Variants in RBFOX1 observed in about 807,000 individuals in gnomAD.
RBFOX1 encodes the protein RNA binding fox-1 homolog 1, also known as RNA binding protein fox-1 homolog 1.
A neutral mutation model predicts 57.7 loss-of-function variants in RBFOX1; 8 were observed. The ratio of observed to expected loss-of-function variants is 0.14; its 90% CI spans 0.08 to 0.25. RBFOX1 has a LOEUF of 0.25. Among genes scored for constraint, RBFOX1 ranks in the 10% least tolerant of loss-of-function variants. The pLI, the probability that RBFOX1 is intolerant of heterozygous loss-of-function variation, is 1.00. For synonymous variants in RBFOX1, 326 were observed against 222.4 expected, an observed-to-expected ratio of 1.47 and a Z score of -4.15; for missense variants, 611 against 548.5, an observed-to-expected ratio of 1.11 and a Z score of -1.14.
intron 3 of RBFOX1, among the ~76,000 whole-genome samples, chr16:6,892,762 G>C (rs1243953567): frequency 1.5e-5 from 2 of 131,888 alleles, no homozygotes; most frequent in African/African-American, 6.2e-5. Flanking sequence ...TATTCTCAAA[G>C]CCTCCCTGTC....
At chr16:7,026,793 A>C (rs1317986146) in intron 3 of RBFOX1, among the ~76,000 whole-genome samples, 1 of 152,170 alleles carries the variant, frequency 6.6e-6, no homozygotes, top group Non-Finnish European at 1.5e-5. Context: ...CCACCTTTAA[A>C]TGAGATTTAG....
intron 3 of RBFOX1, among the ~76,000 whole-genome samples, chr16:6,744,229 G>A (rs1265290772): frequency 6.6e-6 from 1 of 152,082 alleles, no homozygotes; most frequent in Non-Finnish European, 1.5e-5. Context: ...AAACAAAACT[G>A]TTGGAACTGG....
Position 6,676,127 on chromosome 16 carries a change from G to GAC in RBFOX1, c.-16+21488_-16+21489dup, listed in dbSNP as rs750878616. ...GTAGGTAGAAGGATGCTGCCTAGGG[G>GAC]ACACACACACACGCGCACACACACA... On this transcript the variant is annotated intron_variant, in intron 3 of 15. Transcript: ENST00000550418. Among the ~76,000 whole-genome samples the GAC allele has an allele frequency of 5.9e-3, 744 of 125,590 alleles. 6 individuals carry two copies. Among genetic ancestry groups the GAC allele is most frequent in the African/African-American group, 7.3e-3 (228 of 31,302 alleles). The allele number at this position is 125,590 out of a possible 152,430, so 82.4% of individuals were successfully genotyped here. A position where few individuals can be genotyped will look rare whatever the true frequency, so the allele number is the denominator to read the frequency against.
intron 2 of RBFOX1, among the ~76,000 whole-genome samples, chr16:5,520,914 G>T (rs2043986791): frequency 6.6e-6 from 1 of 152,156 alleles, no homozygotes. Context: ...CCTTCATTCT[G>T]GGTCCTGGAG....
At chr16:6,251,690 A>C (rs1006036886) in intron 1 of RBFOX1, among the ~76,000 whole-genome samples, 4 of 152,134 alleles carry the variant, frequency 2.6e-5, no homozygotes, top group Non-Finnish European at 5.9e-5. Flanking sequence ...CATGTGAGTT[A>C]AGGGAACAAC....
chr16:6,906,534 A>G, intron 3 of RBFOX1, among the ~76,000 whole-genome samples: 1 of 152,100 alleles, frequency 6.6e-6, no homozygotes, highest in Admixed American at 6.5e-5. Context: ...ATCTCTAGAA[A>G]CTTTTCTTTA....
At chr16:5,862,881 G>A (rs933866754) in intron 3 of RBFOX1, among the ~76,000 whole-genome samples, 3 of 152,158 alleles carry the variant, frequency 2.0e-5, no homozygotes, top group African/African-American at 7.2e-5. Flanking sequence ...CCCAGACAGT[G>A]TTTGGGCATC....
At chr16:7,313,489 G>A (rs200384559) in intron 4 of RBFOX1, among the ~76,000 whole-genome samples, 1 of 123,956 alleles carries the variant, frequency 8.1e-6, no homozygotes, top group Non-Finnish European at 1.7e-5. Context: ...TTTTTTTTAA[G>A]GCTCTTTGGT....
chr16:6,818,742 C>A (rs1455072969), intron 3 of RBFOX1, among the ~76,000 whole-genome samples: 5 of 152,166 alleles, frequency 3.3e-5, no homozygotes, highest in Admixed American at 2.0e-4. Flanking sequence ...ATAGAAAAAG[C>A]CCCAAGCTTC....
At chr16:6,422,028 C>A (rs1054287254) in intron 2 of RBFOX1, among the ~76,000 whole-genome samples, 1 of 137,752 alleles carries the variant, frequency 7.3e-6, no homozygotes, top group African/African-American at 2.6e-5. Flanking sequence ...TCAGGCAATT[C>A]TCCTGCCTCA....
intron 1 of RBFOX1, among the ~76,000 whole-genome samples, chr16:6,307,794 A>G (rs2079712299): frequency 6.8e-6 from 1 of 146,928 alleles, no homozygotes; most frequent in African/African-American, 2.5e-5. Flanking sequence ...TTAGATTGTT[A>G]TTTACATATT....
chr16:7,136,358 G>A (rs2071958792), intron 4 of RBFOX1, among the ~76,000 whole-genome samples: 2 of 151,258 alleles, frequency 1.3e-5, no homozygotes, highest in African/African-American at 4.9e-5. Context: ...CTGTCATATT[G>A]GAGCCAATAC....
chr16:5,683,234 G>C (rs1458751652), intron 3 of RBFOX1, among the ~76,000 whole-genome samples: 1 of 152,088 alleles, frequency 6.6e-6, no homozygotes, highest in East Asian at 1.9e-4. Context: ...GGAAGCCTTC[G>C]AAAAATAGTA....
At chr16:6,238,106 A>AAG (rs1567746249) in intron 1 of RBFOX1, among the ~76,000 whole-genome samples, 1 of 150,398 alleles carries the variant, frequency 6.6e-6, no homozygotes, top group Non-Finnish European at 1.5e-5. Context: ...AAAAAAAAAA[A>AAG]AAAAAGAAAG....
intron 3 of RBFOX1, among the ~76,000 whole-genome samples, chr16:6,792,602 G>C (rs925549766): frequency 4.6e-5 from 7 of 152,110 alleles, no homozygotes; most frequent in African/African-American, 1.7e-4. Flanking sequence ...TACGAAGTCA[G>C]GGTTGCAAAA....
At chr16:5,638,554 C>G (rs1372807500) in intron 3 of RBFOX1, among the ~76,000 whole-genome samples, 8 of 152,090 alleles carry the variant, frequency 5.3e-5, no homozygotes, top group Admixed American at 4.6e-4. Context: ...TCTTTGGGGC[C>G]TAAAGGAAGG....
At chr16:7,180,243 G>A (rs182051070) in intron 4 of RBFOX1, among the ~76,000 whole-genome samples, 87 of 152,156 alleles carry the variant, frequency 5.7e-4, no homozygotes, top group Middle Eastern at 3.4e-3. Context: ...TTTTAAATGC[G>A]TTTTACATAT....
chr16:6,791,491 G>A (rs960604529), intron 3 of RBFOX1, among the ~76,000 whole-genome samples: 1 of 152,074 alleles, frequency 6.6e-6, no homozygotes, highest in African/African-American at 2.4e-5. Context: ...AGTCACATTG[G>A]CTCACACCTG....
chr16:6,751,708 G>T (rs1273062350), intron 3 of RBFOX1, among the ~76,000 whole-genome samples: 1 of 152,138 alleles, frequency 6.6e-6, no homozygotes, highest in Non-Finnish European at 1.5e-5. Flanking sequence ...CAGTATACAA[G>T]CAGATAGAGC....
Sources: gnomAD v4.1 joint callset for allele counts (sites outside exome capture counted in the v4.1 genomes callset) on GRCh38, gnomAD v4.1.1 for gene constraint, MANE v1.5 for transcripts, NCBI Gene and HGNC (gene_info 2026-07-23, HGNC 2026-07-21) for gene names.